NRG1: variants seen among roughly 807,000 people sequenced by gnomAD.
NRG1 encodes the protein pro-neuregulin-1, membrane-bound isoform.
A neutral mutation model predicts 63.8 loss-of-function variants in NRG1; 18 were observed. That is an observed-to-expected ratio of 0.28 (90% confidence interval 0.19 to 0.42). The LOEUF (loss-of-function observed/expected upper bound fraction) is 0.42. Among genes scored for constraint, NRG1 ranks in the 10% least tolerant of loss-of-function variants. NRG1 has a pLI of 1.00. For synonymous variants in NRG1, 302 were observed against 301.3 expected (o/e 1.00, Z -0.02); for missense variants, 762 against 814.7 (o/e 0.94, Z 0.79).
At chr8:32,275,221 C>T (rs1851964299) in intron 1 of NRG1, among the ~76,000 whole-genome samples, 1 of 152,196 alleles carries the variant, frequency 6.6e-6, no homozygotes, top group Admixed American at 6.5e-5. Flanking sequence ...CTGCATAATT[C>T]AGTTGTCCAT....
At chr8:31,916,954 A>C (rs1833444570) in intron 1 of NRG1, among the ~76,000 whole-genome samples, 1 of 152,086 alleles carries the variant, frequency 6.6e-6, no homozygotes, top group Non-Finnish European at 1.5e-5. Flanking sequence ...TCTGATGGCC[A>C]GTGATGGCAA....
chr8:32,178,919 T>C (rs1017682162), intron 1 of NRG1, among the ~76,000 whole-genome samples: 8 of 152,020 alleles, frequency 5.3e-5, no homozygotes, highest in African/African-American at 1.4e-4. Context: ...TAGAAAATGA[T>C]AGAAACTGAT....
intron 1 of NRG1, among the ~76,000 whole-genome samples, chr8:31,667,879 G>A (rs1806714857): frequency 6.6e-6 from 1 of 152,146 alleles, no homozygotes; most frequent in Non-Finnish European, 1.5e-5. Flanking sequence ...TTTATGTAGA[G>A]CTTATGGCTA....
chr8:32,346,966 A>T (rs1490483442), intron 1 of NRG1, among the ~76,000 whole-genome samples: 4 of 151,860 alleles, frequency 2.6e-5, no homozygotes, highest in Non-Finnish European at 4.4e-5. Context: ...AGCAGCTGGG[A>T]CTACAGGCTC....
chr8:32,120,739 C>T (rs1563809730), intron 1 of NRG1, among the ~76,000 whole-genome samples: 1 of 152,028 alleles, frequency 6.6e-6, no homozygotes, highest in Non-Finnish European at 1.5e-5. Context: ...AGACCAAGGA[C>T]AAATGTTGGT....
chr8:32,604,006 G>A (rs1844818789), intron 2 of NRG1, among the ~76,000 whole-genome samples: 1 of 152,138 alleles, frequency 6.6e-6, no homozygotes, highest in South Asian at 2.1e-4. Context: ...TATGCTCCAC[G>A]AGACTAGCAA....
intron 1 of NRG1, among the ~76,000 whole-genome samples, chr8:32,025,471 A>G (rs572737853): frequency 3.3e-5 from 5 of 152,330 alleles, no homozygotes; most frequent in Non-Finnish European, 7.3e-5. Flanking sequence ...TATAATTGAT[A>G]TTTTAATTTA....
intron 5 of NRG1, among the ~76,000 whole-genome samples, chr8:32,722,769 T>C (rs1210052449): frequency 6.6e-6 from 1 of 152,108 alleles, no homozygotes; most frequent in Admixed American, 6.5e-5. Flanking sequence ...CTTGAAAGGG[T>C]AAAATAATCC....
chr8:31,969,761 C>T (rs560763484), intron 1 of NRG1, among the ~76,000 whole-genome samples: 1 of 152,204 alleles, frequency 6.6e-6, no homozygotes, highest in Non-Finnish European at 1.5e-5. Context: ...CAGAAAAACT[C>T]AATAAGGAAA....
At chr8:32,348,819 A>C (rs954393666) in intron 1 of NRG1, among the ~76,000 whole-genome samples, 1 of 152,232 alleles carries the variant, frequency 6.6e-6, no homozygotes, top group Admixed American at 6.5e-5. Flanking sequence ...CTTTTAAACA[A>C]ATCCAGTTCA....
chr8:32,680,269 T>C (rs957667501), intron 5 of NRG1, among the ~76,000 whole-genome samples: 14 of 152,166 alleles, frequency 9.2e-5, no homozygotes, highest in African/African-American at 3.4e-4. Flanking sequence ...AATATAGATC[T>C]AGGGTGACCA....
At chr8:32,244,744 A>G (rs1848446451) in intron 1 of NRG1, among the ~76,000 whole-genome samples, 1 of 152,214 alleles carries the variant, frequency 6.6e-6, no homozygotes, top group South Asian at 2.1e-4. Flanking sequence ...ATAGTCTCTC[A>G]AGAGTTCTTG....
chr8:32,489,121 A>G (rs1447670845), intron 1 of NRG1, among the ~76,000 whole-genome samples: 1 of 152,208 alleles, frequency 6.6e-6, no homozygotes, highest in Non-Finnish European at 1.5e-5. Flanking sequence ...GCCTATTTCC[A>G]GCACTTCACA....
chr8:31,961,246 A>C (rs1435179853), intron 1 of NRG1, among the ~76,000 whole-genome samples: 1 of 152,146 alleles, frequency 6.6e-6, no homozygotes, highest in African/African-American at 2.4e-5. Context: ...TTCCTTTTTG[A>C]AGGGTTCAGA....
At chr8:31,737,285 A>C (rs1379883025) in intron 1 of NRG1, among the ~76,000 whole-genome samples, 2 of 152,222 alleles carry the variant, frequency 1.3e-5, no homozygotes, top group African/African-American at 2.4e-5. Flanking sequence ...CCCCAAATCC[A>C]AGACTGTGTT....
At chr8:31,711,843 A>G (rs987108892) in intron 1 of NRG1, among the ~76,000 whole-genome samples, 1 of 152,154 alleles carries the variant, frequency 6.6e-6, no homozygotes, top group Non-Finnish European at 1.5e-5. Context: ...TCCTCACGTA[A>G]TGGAAGGAGC....
At chr8:32,761,701 G>A (rs1293566002) in intron 11 of NRG1, among the ~76,000 whole-genome samples, 1 of 151,840 alleles carries the variant, frequency 6.6e-6, no homozygotes, top group African/African-American at 2.4e-5. Context: ...GGGTAGGGAT[G>A]ACTTTCATAG....
chr8:31,917,451 A>C (rs1374809393), intron 1 of NRG1, among the ~76,000 whole-genome samples: 28 of 150,490 alleles, frequency 1.9e-4, no homozygotes, highest in African/African-American at 4.4e-4. Context: ...AGCACCATTT[A>C]TTAAATAGGG....
chr8:32,412,430 A>ATATATG (rs1347314299), intron 1 of NRG1, among the ~76,000 whole-genome samples: 1 of 39,138 alleles, frequency 2.6e-5, no homozygotes, highest in African/African-American at 7.0e-5. Context: ...CTACATATAT[A>ATATATG]TATATATATA....
Sources: allele counts gnomAD v4.1 joint callset (sites outside exome capture counted in the v4.1 genomes callset), GRCh38; gene constraint gnomAD v4.1.1; transcripts MANE v1.5; gene names NCBI Gene and HGNC (gene_info 2026-07-23, HGNC 2026-07-21).